Variants in ECT2 observed in about 807,000 individuals in gnomAD.
The protein encoded by ECT2 is epithelial cell transforming 2.
A neutral mutation model predicts 116.9 loss-of-function variants in ECT2; 61 were observed. That is an observed-to-expected ratio of 0.52 (90% confidence interval 0.42 to 0.65). The LOEUF is 0.65. Among genes scored for constraint, ECT2 ranks in the 30% least tolerant of loss-of-function variants. The pLI, the probability that ECT2 is intolerant of heterozygous loss-of-function variation, is 0.00. For synonymous variants in ECT2, 358 were observed against 346.4 expected, an observed-to-expected ratio of 1.03 and a Z score of -0.37; for missense variants, 937 against 1,078.7, an observed-to-expected ratio of 0.87 and a Z score of 1.84.
chr3:172,815,543 G>A, intron 22 of ECT2, 61 bp from the exon 23 acceptor site: 1 of 1,086,630 alleles, frequency 9.2e-7, no homozygotes. Flanking sequence ...ATGCTTAAAA[G>A]TTTGATTTTT....
intron 12 of ECT2, among the ~76,000 whole-genome samples, 171 bp from the exon 13 acceptor site, chr3:172,768,836 C>G (rs532102914): frequency 6.6e-6 from 1 of 151,996 alleles, no homozygotes; most frequent in Non-Finnish European, 1.5e-5. Flanking sequence ...TATTTTTGAC[C>G]GTTATTTTTT....
chr3:172,805,271 GT>G (rs923050469), intron 20 of ECT2, among the ~76,000 whole-genome samples: 8 of 151,550 alleles, frequency 5.3e-5, no homozygotes, highest in Non-Finnish European at 1.0e-4. Context: ...TATTTTAAGG[GT>G]TTTTTTTAAA....
rs746830417 is a variant in ECT2 at position 172,758,994 on chromosome 3, A to G, written c.501A>G (p.Ser167=). The G allele has an allele frequency of 6.2e-7, 1 of 1,609,522 alleles. No individual in the cohort carries two copies. ...GTATCCTTCAGCCTTTGCCATTTTC[A>G]TGTCGCCCGTTGTATTGTACAAGTA... The part of the protein sequence containing the change: ...CSQKGEPLPF[S]CRPLYCTSMM... Residue 167 remains serine (S), a synonymous_variant, in exon 6 of 25, where the codon TCA becomes TCG. Coordinates refer to ENST00000392692, the MANE Select transcript of ECT2 (RefSeq NM_001258315.2).
intron 22 of ECT2, 35 bp downstream of exon 22, chr3:172,807,959 A>G: frequency 1.3e-6 from 2 of 1,591,458 alleles, no homozygotes; most frequent in Non-Finnish European, 1.7e-6. Flanking sequence ...ATGAAAGTTT[A>G]AATTTCATGA....
downstream of ECT2, among the ~76,000 whole-genome samples, chr3:172,825,073 CAT>C (rs566314432): frequency 2.7e-3 from 406 of 152,318 alleles, 3 homozygotes; most frequent in African/African-American, 9.3e-3. Flanking sequence ...GTGTTGACCT[CAT>C]GTGTCTGTGT....
chr3:172,825,036 CTA>C (rs1383695845), downstream of ECT2, among the ~76,000 whole-genome samples: 1 of 152,214 alleles, frequency 6.6e-6, no homozygotes, highest in Non-Finnish European at 1.5e-5. Flanking sequence ...TTGAGCAAGT[CTA>C]TTAGCACAGT....
At chr3:172,755,771 G>A (rs1716871671) in intron 4 of ECT2, among the ~76,000 whole-genome samples, 196 bp downstream of exon 4, 1 of 152,070 alleles carries the variant, frequency 6.6e-6, no homozygotes, top group African/African-American at 2.4e-5. Flanking sequence ...AATTCTTGCT[G>A]TATTTCCAAA....
chr3:172,776,697 TTAAAA>T (rs1057477574), intron 14 of ECT2, among the ~76,000 whole-genome samples: 1 of 152,192 alleles, frequency 6.6e-6, no homozygotes, highest in South Asian at 2.1e-4. Context: ...TTTTGCTTCT[TTAAAA>T]TCATGCTGAG....
At chr3:172,787,306 G>A (rs115295238) in intron 18 of ECT2, among the ~76,000 whole-genome samples, 1 of 152,180 alleles carries the variant, frequency 6.6e-6, no homozygotes, top group Non-Finnish European at 1.5e-5. Flanking sequence ...TTCCAGAAGG[G>A]CTCTTAAGGA....
At chr3:172,826,816 G>T in the ECT2 span, among the ~76,000 whole-genome samples, 1 of 152,040 alleles carries the variant, frequency 6.6e-6, no homozygotes, top group Admixed American at 6.5e-5. Context: ...CAAGCTAAAA[G>T]GCATCTTTAC....
At chr3:172,813,248 A>C (rs1273285601) in intron 22 of ECT2, among the ~76,000 whole-genome samples, 1 of 152,258 alleles carries the variant, frequency 6.6e-6, no homozygotes, top group Admixed American at 6.5e-5. Flanking sequence ...ATAAAATTTG[A>C]TATAAAATAT....
rs539256991 is a variant in ECT2 at position 172,780,839 on chromosome 3, G to C, written c.1549-1324G>C. Reference sequence around the variant, plus strand: ...CTTTTCACATGGTTATTGGCCATTTGTATATTATTTTTGGTGAAATGGCTA... The same window carrying C: ...CTTTTCACATGGTTATTGGCCATTTCTATATTATTTTTGGTGAAATGGCTA... On this transcript the variant is annotated intron_variant, in intron 14 of 24. Coordinates refer to ENST00000392692, the MANE Select transcript of ECT2 (RefSeq NM_001258315.2). Among the ~76,000 whole-genome samples, 15 of 152,104 alleles carry C rather than the reference G, an allele frequency of 9.9e-5. No individual in the cohort carries two copies. The East Asian group carries it at 2.5e-3, about 25-fold the overall frequency.
chr3:172,754,714 A>G, intron 2 of ECT2, 54 bp downstream of exon 2: 1 of 1,365,888 alleles, frequency 7.3e-7, no homozygotes, highest in South Asian at 1.4e-5. Context: ...TTCTAAACTT[A>G]TTAGTGACTT....
chr3:172,751,726 C>T (rs1197476050), intron 1 of ECT2, among the ~76,000 whole-genome samples: 2 of 149,790 alleles, frequency 1.3e-5, no homozygotes, highest in Non-Finnish European at 2.9e-5. Context: ...TAAAAGGGGG[C>T]ATGTGTTATA....
At chr3:172,788,586 G>C (rs1724031657) in intron 18 of ECT2, among the ~76,000 whole-genome samples, 1 of 152,136 alleles carries the variant, frequency 6.6e-6, no homozygotes, top group Non-Finnish European at 1.5e-5. Flanking sequence ...CCCAGATACT[G>C]TGGGTTAGGT....
chr3:172,779,072 A>C (rs1328337444), intron 14 of ECT2, among the ~76,000 whole-genome samples: 1 of 152,204 alleles, frequency 6.6e-6, no homozygotes, highest in African/African-American at 2.4e-5. Context: ...GGAATCCCTA[A>C]CAGATAGTTA....
chr3:172,760,105 A>G, intron 6 of ECT2, 51 bp from the exon 7 acceptor site: 1 of 1,259,518 alleles, frequency 7.9e-7, no homozygotes, highest in Non-Finnish European at 1.1e-6. Flanking sequence ...ATAGTTTAAA[A>G]TTTTGTTCAA....
At chr3:172,828,862 C>T in the ECT2 span, 1 of 1,135,574 alleles carries the variant, frequency 8.8e-7, no homozygotes, top group Non-Finnish European at 1.3e-6. Context: ...GAGACGAGTG[C>T]CTGAGAGACG....
At chr3:172,828,860 T>C in the ECT2 span, 3 of 1,107,180 alleles carry the variant, frequency 2.7e-6, no homozygotes, top group Middle Eastern at 2.9e-4. Flanking sequence ...GAGAGACGAG[T>C]GCCTGAGAGA....
Sources: allele counts gnomAD v4.1 joint callset (sites outside exome capture counted in the v4.1 genomes callset), GRCh38; gene constraint gnomAD v4.1.1; transcripts MANE v1.5; gene names NCBI Gene and HGNC (gene_info 2026-07-23, HGNC 2026-07-21).